ABCA6: variants seen among roughly 807,000 people sequenced by gnomAD.
ABCA6 encodes the protein ATP-binding cassette sub-family A member 6.
ABCA6 carries 164 observed loss-of-function variants against 191.2 expected under a neutral mutation model. The ratio of observed to expected loss-of-function variants is 0.86; its 90% CI spans 0.76 to 0.98. ABCA6 has a LOEUF of 0.98. Ranked by LOEUF, ABCA6 falls within the 50% of genes least tolerant of loss-of-function variation. The pLI is 0.00. For synonymous variants in ABCA6, 636 were observed against 647.7 expected, an observed-to-expected ratio of 0.98 and a Z score of 0.27; for missense variants, 1,958 against 1,894.1, an observed-to-expected ratio of 1.03 and a Z score of -0.63.
intron 32 of ABCA6, 22 bp from the exon 33 acceptor site, chr17:69,084,529 A>G: frequency 6.2e-7 from 1 of 1,612,590 alleles, no homozygotes; most frequent in South Asian, 1.1e-5. Context: ...CAGAATGAGA[A>G]TATCTGGTCA....
intron 2 of ABCA6, among the ~76,000 whole-genome samples, chr17:69,139,521 T>C (rs1470964324): frequency 1.3e-5 from 2 of 152,096 alleles, no homozygotes; most frequent in South Asian, 2.1e-4. Flanking sequence ...AGTTCAACCA[T>C]TGTGGAAGTC....
At chr17:69,080,249 A>C (rs2072596815) in intron 37 of ABCA6, among the ~76,000 whole-genome samples, 2 of 152,196 alleles carry the variant, frequency 1.3e-5, no homozygotes, top group African/African-American at 4.8e-5. Context: ...TAATCCTAAC[A>C]ACATGGCCAA....
At chr17:69,089,179 T>C (rs980240600) in intron 27 of ABCA6, among the ~76,000 whole-genome samples, 4 of 152,220 alleles carry the variant, frequency 2.6e-5, no homozygotes, top group African/African-American at 9.7e-5. Context: ...AGGAAGTAAG[T>C]TATATTGCAT....
chr17:69,091,078 C>A (rs1458516139), intron 26 of ABCA6, 65 bp downstream of exon 26: 12 of 1,518,620 alleles, frequency 7.9e-6, no homozygotes, highest in Non-Finnish European at 2.7e-6. Context: ...CTCTCTTGAT[C>A]TGGGAAAAGC....
intron 6 of ABCA6, 65 bp from the exon 7 acceptor site, chr17:69,129,816 A>T (rs2073830662): frequency 8.2e-7 from 1 of 1,218,074 alleles, no homozygotes; most frequent in Non-Finnish European, 1.1e-6. Flanking sequence ...AATATATACA[A>T]AAGCATCTAA....
At chr17:69,137,614 C>CCTG in intron 2 of ABCA6, 114 bp from the exon 3 acceptor site, 1 of 920,374 alleles carries the variant, frequency 1.1e-6, no homozygotes, top group Non-Finnish European at 1.6e-6. Context: ...CAGTTATGTT[C>CCTG]TCTCTGCTCT....
At chr17:69,080,449 G>A (rs982962626) in intron 37 of ABCA6, among the ~76,000 whole-genome samples, 1 of 152,032 alleles carries the variant, frequency 6.6e-6, no homozygotes, top group Non-Finnish European at 1.5e-5. Context: ...TCTGCTGTTG[G>A]GAATGACGGG....
intron 17 of ABCA6, chr17:69,109,042 G>GT (rs2073365117): frequency 6.6e-6 from 1 of 152,180 alleles, no homozygotes; most frequent in Non-Finnish European, 1.5e-5. Flanking sequence ...GATCTGAGAA[G>GT]AACACCATCT....
In ABCA6 at chr17:69,133,710, T is replaced by A; in HGVS notation, c.722A>T (p.Asn241Ile). Residue 241 changes from asparagine (N) to isoleucine (I), a missense_variant, in exon 6 of 39, where the codon AAT becomes ATT. Coordinates refer to ENST00000284425, the MANE Select transcript of ABCA6 (RefSeq NM_080284.3). ...FSPLVYFISL[N>I]VTKERKKSKN... ...AGACTTTTTTCTCTCTTTTGTTACA[T>A]TGAGTGATATAAAATATACAAGTGG... 6.2e-7 allele frequency: 1 copy of A among 1,611,260 alleles called. No individual in the cohort carries two copies. The highest frequency in any genetic ancestry group is 2.2e-5 in the East Asian group (1 of 44,746).
At chr17:69,089,283 T>C (rs1032034940) in intron 27 of ABCA6, among the ~76,000 whole-genome samples, 182 bp downstream of exon 27, 3 of 152,178 alleles carry the variant, frequency 2.0e-5, no homozygotes, top group Admixed American at 6.5e-5. Context: ...TTTGGACACA[T>C]ATAGCCAATC....
intron 10 of ABCA6, among the ~76,000 whole-genome samples, chr17:69,119,554 T>A (rs959243918): frequency 1.3e-5 from 2 of 152,046 alleles, no homozygotes; most frequent in Admixed American, 1.3e-4. Context: ...CTCATCAGCC[T>A]CAGAGGGAAA....
chr17:69,107,662 A>T, intron 18 of ABCA6, 34 bp downstream of exon 18: 1 of 1,345,614 alleles, frequency 7.4e-7, no homozygotes, highest in Non-Finnish European at 1.1e-6. Flanking sequence ...TCATTTGGGA[A>T]TTGGTTTTCT....
intron 4 of ABCA6, 59 bp downstream of exon 4, chr17:69,136,033 C>A: frequency 6.6e-7 from 1 of 1,516,726 alleles, no homozygotes; most frequent in East Asian, 2.3e-5. Context: ...CCAACCTCCT[C>A]TGTTCTTTAT....
intron 31 of ABCA6, 55 bp downstream of exon 31, chr17:69,085,570 A>T (rs1420013880): frequency 1.7e-6 from 2 of 1,181,392 alleles, no homozygotes; most frequent in African/African-American, 1.5e-5. Context: ...CAAAGATATA[A>T]TCTATACGTA....
chr17:69,108,125 C>T (rs1343965716), intron 17 of ABCA6: 1 of 271,596 alleles, frequency 3.7e-6, no homozygotes, highest in South Asian at 4.7e-5. Flanking sequence ...CACTACAAAC[C>T]CACGTATATC....
intron 17 of ABCA6, chr17:69,109,702 A>G (rs2073382483): frequency 6.6e-6 from 1 of 152,126 alleles, no homozygotes; most frequent in African/African-American, 2.4e-5. Context: ...CAGGCTCAGG[A>G]CGTGAATCAT....
At chr17:69,105,202 A>G (rs1033406272) in intron 20 of ABCA6, 2 of 388,576 alleles carry the variant, frequency 5.1e-6, no homozygotes, top group Non-Finnish European at 9.1e-6. Flanking sequence ...GCCATGTAAT[A>G]GCTTAGGGTA....
chr17:69,112,136 A>G, intron 16 of ABCA6, 47 bp downstream of exon 16: 1 of 1,336,466 alleles, frequency 7.5e-7, no homozygotes, highest in Non-Finnish European at 1.1e-6. Context: ...TTTTTCATAT[A>G]CCAGTATTGC....
At position 69,109,524 on chromosome 17, in the gene ABCA6, G is replaced by A. The variant is rs564582386; in HGVS notation, c.2272+1277C>T. 1.2e-4 allele frequency: 18 copies of A among 152,254 alleles called. No homozygotes were observed. In the South Asian group the frequency reaches 3.5e-3, roughly 30 times the overall value. 9.4% of individuals were successfully genotyped at this position (152,254 alleles called of 1,614,324 possible). A position where few individuals can be genotyped will look rare whatever the true frequency, so the allele number is the denominator to read the frequency against. Reference sequence around the variant, plus strand: ...ATAGTACATGCACAATTAAAATAGAGTAATCCTGCCTTATCTACAGTTTCA... The same window carrying A: ...ATAGTACATGCACAATTAAAATAGAATAATCCTGCCTTATCTACAGTTTCA... On this transcript the variant is annotated intron_variant, in intron 17 of 38. Transcript: ENST00000284425.
Sources: gnomAD v4.1 joint callset for allele counts (sites outside exome capture counted in the v4.1 genomes callset) on GRCh38, gnomAD v4.1.1 for gene constraint, MANE v1.5 for transcripts, NCBI Gene and HGNC (gene_info 2026-07-23, HGNC 2026-07-21) for gene names.